IL1RAPL2: variants seen among roughly 807,000 people sequenced by gnomAD.
The protein encoded by IL1RAPL2 is X-linked interleukin-1 receptor accessory protein-like 2.
In IL1RAPL2, 3 loss-of-function variants were observed where a neutral mutation model predicts 44.1. The ratio of observed to expected loss-of-function variants is 0.07; its 90% confidence interval spans 0.03 to 0.18. IL1RAPL2 has a LOEUF of 0.18. IL1RAPL2 is among the 10% of genes least tolerant of loss of function. IL1RAPL2 has a pLI of 1.00. For synonymous variants in IL1RAPL2, 181 were observed against 178.8 expected (o/e 1.01, Z -0.10); for missense variants, 391 against 496.4 (o/e 0.79, Z 2.02).
At chrX:104,699,616 C>T (rs1169008676) in intron 2 of IL1RAPL2, among the ~76,000 whole-genome samples, 1 of 112,249 alleles carries the variant, frequency 8.9e-6, no homozygotes, top group Non-Finnish European at 1.9e-5. Context: ...GGTTCACGGC[C>T]TGGGGCTTGA....
At chrX:105,202,366 A>T (rs782737059) in intron 3 of IL1RAPL2, among the ~76,000 whole-genome samples, 1 of 112,497 alleles carries the variant, frequency 8.9e-6, no homozygotes, top group East Asian at 2.8e-4. Context: ...ATCTTAAGTG[A>T]CTTGGTTTTA....
At chrX:105,052,551 A>G (rs1021488874) in intron 2 of IL1RAPL2, among the ~76,000 whole-genome samples, 3 of 111,846 alleles carry the variant, frequency 2.7e-5, no homozygotes, top group African/African-American at 9.7e-5. Flanking sequence ...AGAAAAATAA[A>G]GAAAGCAACT....
chrX:105,346,137 G>A (rs371422742), intron 5 of IL1RAPL2, among the ~76,000 whole-genome samples: 9 of 111,913 alleles, frequency 8.0e-5, no homozygotes, highest in South Asian at 3.7e-4. Flanking sequence ...ACCACTGAGC[G>A]TAAAGCCTAC....
At chrX:104,581,481 ATTAG>A (rs1178492393) in intron 1 of IL1RAPL2, among the ~76,000 whole-genome samples, 1 of 111,930 alleles carries the variant, frequency 8.9e-6, no homozygotes. Flanking sequence ...TAGATCAGCT[ATTAG>A]TTAATAGGTT....
rs2035644852 is a variant in IL1RAPL2 at position 105,406,419 on chromosome X, T to C, written c.698-77894T>C. ...AGATTTTTTGGTATTGTCTCATTGA[T>C]CTAACACCTGGAAGTGGCAATAAAG... On this transcript the variant is annotated intron_variant, in intron 5 of 10. Coordinates refer to ENST00000372582, the MANE Select transcript of IL1RAPL2 (RefSeq NM_017416.2). 5.4e-6 allele frequency: 6 copies of C among 1,105,349 alleles called. No individual in the cohort carries two copies. The South Asian group carries it at 9.1e-5, about 17-fold the overall frequency. The allele number at this position is 1,105,349 out of a possible 1,213,427, so 91.1% of individuals were successfully genotyped here. A position where few individuals can be genotyped will look rare whatever the true frequency, so the allele number is the denominator to read the frequency against.
chrX:105,253,726 A>G (rs1380154418), intron 4 of IL1RAPL2, among the ~76,000 whole-genome samples: 2 of 111,330 alleles, frequency 1.8e-5, no homozygotes, highest in Non-Finnish European at 3.8e-5. Flanking sequence ...AGTAGACCCC[A>G]GTGTCTGTTG....
At position 105,740,258 on chromosome X, in the gene IL1RAPL2, G is replaced by A. The variant is rs370555285; in HGVS notation, c.903-288G>A. Among the ~76,000 whole-genome samples, 9 of 111,681 alleles carry A rather than the reference G, an allele frequency of 8.1e-5. No homozygotes were observed. The East Asian group carries it at 2.6e-3, about 32-fold the overall frequency. On this transcript the variant is annotated intron_variant, in intron 7 of 10. Transcript: ENST00000372582. The stretch of plus-strand genomic sequence containing the variant: ...AAAGGATCAACAAAATTGATAGACC[G>A]CTAGCAAGACTAATAAAGAAAAAAA...
At chrX:105,518,202 T>C (rs1200245572) in intron 6 of IL1RAPL2, among the ~76,000 whole-genome samples, 1 of 110,466 alleles carries the variant, frequency 9.1e-6, no homozygotes, top group Non-Finnish European at 1.9e-5. Flanking sequence ...ACTAGACTCC[T>C]GGGTCTTCTA....
chrX:104,674,976 G>C (rs1157791760), intron 2 of IL1RAPL2, among the ~76,000 whole-genome samples: 3 of 111,056 alleles, frequency 2.7e-5, no homozygotes, highest in Non-Finnish European at 5.7e-5. Context: ...GCGTCTATTT[G>C]ATTCTTCTCT....
At chrX:104,699,613 G>A (rs933500089) in intron 2 of IL1RAPL2, among the ~76,000 whole-genome samples, 4 of 112,149 alleles carry the variant, frequency 3.6e-5, no homozygotes, top group African/African-American at 9.7e-5. Flanking sequence ...ACTGGTTCAC[G>A]GCCTGGGGCT....
intron 5 of IL1RAPL2, among the ~76,000 whole-genome samples, chrX:105,483,825 A>G (rs921567527): frequency 1.4e-4 from 16 of 111,212 alleles, no homozygotes; most frequent in African/African-American, 5.2e-4. Context: ...TTTTTGATCA[A>G]TTATCCCAAT....
chrX:105,042,853 A>C (rs1467505339), intron 2 of IL1RAPL2, among the ~76,000 whole-genome samples: 5 of 107,914 alleles, frequency 4.6e-5, no homozygotes, highest in African/African-American at 1.7e-4. Flanking sequence ...GATAGAGTGG[A>C]TTAAGAAAAT....
intron 2 of IL1RAPL2, among the ~76,000 whole-genome samples, chrX:104,940,103 T>C (rs1925128481): frequency 1.8e-5 from 2 of 112,010 alleles, no homozygotes; most frequent in Admixed American, 1.9e-4. Context: ...ATGTATAGTA[T>C]GTGAATTATA....
intron 1 of IL1RAPL2, among the ~76,000 whole-genome samples, chrX:104,632,123 G>C (rs1162026333): frequency 1.8e-5 from 2 of 110,841 alleles, no homozygotes; most frequent in Non-Finnish European, 3.8e-5. Context: ...TCTTGTTTTT[G>C]TCAGGTTTGT....
rs533010791 is a variant in IL1RAPL2 at position 105,582,290 on chromosome X, G to C, written c.772+97903G>C. Among the ~76,000 whole-genome samples, 403 of 109,900 alleles carry C rather than the reference G, an allele frequency of 3.7e-3. 2 individuals are homozygous for C. Among genetic ancestry groups the C allele is most frequent in the Middle Eastern group, 9.5e-3 (2 of 210 alleles). ...CCAATTTATTTCAAAATTTTGTTTT[G>C]CTCTTCTAAGTCTTTTGTATTTCCT... On this transcript the variant is annotated intron_variant, in intron 6 of 10. Transcript: ENST00000372582.
chrX:104,713,541 G>C (rs1019495720), intron 2 of IL1RAPL2, among the ~76,000 whole-genome samples: 1 of 110,683 alleles, frequency 9.0e-6, no homozygotes, highest in Admixed American at 9.6e-5. Context: ...GATGGGGTTT[G>C]GTTGAATTCA....
chrX:104,969,242 A>C, intron 2 of IL1RAPL2, among the ~76,000 whole-genome samples: 1 of 110,694 alleles, frequency 9.0e-6, no homozygotes, highest in Middle Eastern at 4.7e-3. Context: ...AAAACTTAGT[A>C]TGAGTCGACA....
chrX:105,471,647 G>A (rs1039075220), intron 5 of IL1RAPL2, among the ~76,000 whole-genome samples: 4 of 109,865 alleles, frequency 3.6e-5, no homozygotes, highest in African/African-American at 1.3e-4. Context: ...TGGCTGTCAG[G>A]CTGATGCTAA....
rs142099417 is a variant in IL1RAPL2 at position 104,988,291 on chromosome X, G to T, written c.83-207184G>T. ...CAAGATGCTTACATAGCAATTTAAG[G>T]TTGGTCTAATTGACAAAGGTTAAAT... On this transcript the variant is annotated intron_variant, in intron 2 of 10. Transcript: ENST00000372582. Among the ~76,000 whole-genome samples, 309 of 112,220 alleles carry T rather than the reference G, an allele frequency of 2.8e-3. 5 individuals are homozygous for T. In the East Asian group the frequency reaches 0.061, roughly 22 times the overall value.
Sources: allele counts gnomAD v4.1 joint callset (sites outside exome capture counted in the v4.1 genomes callset), GRCh38; gene constraint gnomAD v4.1.1; transcripts MANE v1.5; gene names NCBI Gene and HGNC (gene_info 2026-07-23, HGNC 2026-07-21).